The following MAF variants were observed in gnomAD, a reference collection of about 807,000 sequenced individuals.
The protein encoded by MAF is MAF bZIP transcription factor.
In MAF, 10 loss-of-function variants were observed where a neutral mutation model predicts 22.0. The ratio of observed to expected loss-of-function variants is 0.45; its 90% CI spans 0.28 to 0.77. The LOEUF (loss-of-function observed/expected upper bound fraction) is 0.77, where lower values mean the gene tolerates loss of function less well. MAF is among the 30% of genes least tolerant of loss of function. The probability of loss-of-function intolerance (pLI) is 0.12; values close to 1 mark genes in which losing one functional copy is unlikely to be tolerated. For missense variants in MAF, 544 were observed against 548.4 expected (o/e 0.99, Z 0.08); for synonymous variants, 337 against 255.8 (o/e 1.32, Z -3.03).
the MAF span, among the ~76,000 whole-genome samples, chr16:79,526,978 T>C: frequency 6.6e-6 from 1 of 152,248 alleles, no homozygotes; most frequent in Non-Finnish European, 1.5e-5. Flanking sequence ...TTTTTAATAA[T>C]GGCTGTTTTT....
the MAF span, among the ~76,000 whole-genome samples, chr16:79,497,261 C>T: frequency 1.3e-5 from 2 of 152,156 alleles, no homozygotes; most frequent in African/African-American, 2.4e-5. Flanking sequence ...GAAAAAAAGG[C>T]TTATTGTAAG....
chr16:79,393,990 A>T, the MAF span, among the ~76,000 whole-genome samples: 1 of 152,182 alleles, frequency 6.6e-6, no homozygotes, highest in Non-Finnish European at 1.5e-5. Flanking sequence ...TACGCTCCCC[A>T]AACACTCTGA....
chr16:79,525,374 G>A, the MAF span, among the ~76,000 whole-genome samples: 1 of 152,148 alleles, frequency 6.6e-6, no homozygotes, highest in Non-Finnish European at 1.5e-5. Context: ...CTCTGTCCAC[G>A]GCCATGCGCT....
the MAF span, among the ~76,000 whole-genome samples, chr16:79,395,740 C>A: frequency 1.3e-5 from 2 of 152,110 alleles, no homozygotes; most frequent in African/African-American, 4.8e-5. Context: ...TTCTGGTTCC[C>A]CAAGCTGTGC....
chr16:79,548,879 T>C, the MAF span, among the ~76,000 whole-genome samples: 35 of 152,164 alleles, frequency 2.3e-4, no homozygotes, highest in Admixed American at 4.6e-4. Flanking sequence ...CCTCTGCTCC[T>C]TAAGCCTCTA....
At chr16:79,468,120 G>A in the MAF span, among the ~76,000 whole-genome samples, 1 of 152,156 alleles carries the variant, frequency 6.6e-6, no homozygotes, top group Non-Finnish European at 1.5e-5. Flanking sequence ...AGCAGCCATT[G>A]GTGCCTGGGT....
chr16:79,242,472 A>T, the MAF span, among the ~76,000 whole-genome samples: 1 of 151,942 alleles, frequency 6.6e-6, no homozygotes, highest in South Asian at 2.1e-4. Flanking sequence ...ATTACATAAT[A>T]CTAAAGGGAT....
At chr16:79,411,402 C>T in the MAF span, among the ~76,000 whole-genome samples, 1 of 152,122 alleles carries the variant, frequency 6.6e-6, no homozygotes, top group Non-Finnish European at 1.5e-5. Flanking sequence ...CATATCCATC[C>T]CCTGAACCTT....
chr16:79,564,096 C>T, the MAF span, among the ~76,000 whole-genome samples: 1,010 of 152,352 alleles, frequency 6.6e-3, 17 homozygotes, highest in African/African-American at 0.023. Flanking sequence ...GATTCCCTCC[C>T]CCATGGCCAC....
the MAF span, among the ~76,000 whole-genome samples, chr16:79,445,423 A>G: frequency 3.7e-4 from 57 of 152,318 alleles, no homozygotes; most frequent in Admixed American, 3.2e-3. Context: ...TCTTTACAAG[A>G]ACCCTTTTTA....
the MAF span, among the ~76,000 whole-genome samples, chr16:79,554,747 A>T: frequency 6.6e-6 from 1 of 152,144 alleles, no homozygotes; most frequent in African/African-American, 2.4e-5. Context: ...GCTCCCACAA[A>T]TAAGATTTTT....
At chr16:79,238,792 A>C in the MAF span, among the ~76,000 whole-genome samples, 12 of 151,994 alleles carry the variant, frequency 7.9e-5, no homozygotes, top group African/African-American at 2.2e-4. Context: ...TTATTTGCTA[A>C]ATCTGGTCAC....
At chr16:79,583,241 G>A (rs1324338814), downstream of MAF, among the ~76,000 whole-genome samples, 5 of 152,116 alleles carry the variant, frequency 3.3e-5, no homozygotes, top group African/African-American at 9.7e-5. Flanking sequence ...GTTTTGCTTT[G>A]TTTTTCCCCA....
chr16:79,257,008 C>G, the MAF span, among the ~76,000 whole-genome samples: 26 of 152,166 alleles, frequency 1.7e-4, no homozygotes, highest in African/African-American at 5.8e-4. Flanking sequence ...GAAACCCCGT[C>G]TCTACTAAAA....
the MAF span, among the ~76,000 whole-genome samples, chr16:79,240,916 G>A: frequency 1.3e-5 from 2 of 151,940 alleles, no homozygotes; most frequent in African/African-American, 4.8e-5. Flanking sequence ...GTCTGGAGTG[G>A]ACCTCCAGCA....
the MAF span, among the ~76,000 whole-genome samples, chr16:79,222,299 T>C: frequency 6.6e-6 from 1 of 152,102 alleles, no homozygotes; most frequent in Non-Finnish European, 1.5e-5. Flanking sequence ...AGCGATTTTA[T>C]CACCACCAGG....
chr16:79,210,827 C>A, the MAF span, among the ~76,000 whole-genome samples: 1 of 152,052 alleles, frequency 6.6e-6, no homozygotes, highest in African/African-American at 2.4e-5. Flanking sequence ...TAGCCACAGC[C>A]GCAACTGTTA....
chr16:79,388,709 A>G, the MAF span, among the ~76,000 whole-genome samples: 32 of 152,362 alleles, frequency 2.1e-4, 1 homozygote, highest in Non-Finnish European at 3.4e-4. Context: ...ACAAAAATAT[A>G]CAGGAAAATT....
the MAF span, among the ~76,000 whole-genome samples, chr16:79,554,882 G>C: frequency 9.5e-4 from 144 of 152,224 alleles, no homozygotes; most frequent in African/African-American, 3.3e-3. Flanking sequence ...TCTACCATCA[G>C]AGCCCTGGCA....
Sources: allele counts gnomAD v4.1 joint callset (sites outside exome capture counted in the v4.1 genomes callset), GRCh38; gene constraint gnomAD v4.1.1; transcripts MANE v1.5; gene names NCBI Gene and HGNC (gene_info 2026-07-23, HGNC 2026-07-21).